MTA3: variants seen among roughly 807,000 people sequenced by gnomAD.
MTA3 encodes metastasis-associated protein MTA3.
In MTA3, 34 loss-of-function variants were observed where a neutral mutation model predicts 83.5. The observed-to-expected ratio is 0.41, with a 90% CI of 0.31 to 0.54. The LOEUF is 0.54. Among genes scored for constraint, MTA3 ranks in the 20% least tolerant of loss-of-function variants. MTA3 has a pLI of 0.33. For synonymous variants in MTA3, 303 were observed against 252.7 expected (o/e 1.20, Z -1.89); for missense variants, 761 against 726.4 (o/e 1.05, Z -0.55).
At chr2:42,547,746 G>A (rs1421951788) in intron 2 of MTA3, among the ~76,000 whole-genome samples, 2 of 152,194 alleles carry the variant, frequency 1.3e-5, no homozygotes, top group Admixed American at 6.6e-5. Context: ...TGTCTATTAA[G>A]CTAGGTTGCA....
chr2:42,511,342 C>A (rs368908294), intron 2 of MTA3, among the ~76,000 whole-genome samples: 2 of 150,704 alleles, frequency 1.3e-5, no homozygotes, highest in East Asian at 1.9e-4. Flanking sequence ...GATCTCATTA[C>A]CTTTCTACGT....
intron 4 of MTA3, among the ~76,000 whole-genome samples, chr2:42,633,620 G>A (rs937685863): frequency 5.9e-5 from 9 of 151,638 alleles, no homozygotes; most frequent in Middle Eastern, 6.8e-3. Flanking sequence ...GGCTGGGCGC[G>A]GTGGCTCATG....
At chr2:42,604,198 T>C (rs937591952) in intron 3 of MTA3, among the ~76,000 whole-genome samples, 1 of 152,198 alleles carries the variant, frequency 6.6e-6, no homozygotes, top group Non-Finnish European at 1.5e-5. Context: ...CCCGCCACTA[T>C]GCCCAGCTAA....
chr2:42,689,032 T>TA (rs1450016767), intron 9 of MTA3, among the ~76,000 whole-genome samples: 2 of 152,180 alleles, frequency 1.3e-5, no homozygotes, highest in East Asian at 1.9e-4. Flanking sequence ...TGAGAGTTTT[T>TA]AAAAAAATCA....
intron 4 of MTA3, among the ~76,000 whole-genome samples, chr2:42,611,498 C>G (rs868180115): frequency 6.6e-6 from 1 of 152,184 alleles, no homozygotes; most frequent in Middle Eastern, 3.4e-3. Context: ...CCCTCACCCC[C>G]ATAGAAAACC....
chr2:42,667,570 TTGTGTGTGTGTGTGTGTGTG>T (rs1553379043), intron 8 of MTA3, among the ~76,000 whole-genome samples: 2 of 145,010 alleles, frequency 1.4e-5, no homozygotes, highest in African/African-American at 5.1e-5. Flanking sequence ...CATTTAAAAA[TTGTGTGTGTGTGTGTGTGTG>T]TGTGTGTGTG....
chr2:42,512,721 G>A (rs777373128), intron 2 of MTA3, among the ~76,000 whole-genome samples: 1 of 152,160 alleles, frequency 6.6e-6, no homozygotes, highest in East Asian at 1.9e-4. Context: ...TTTAGACCAT[G>A]TCAAGGGATT....
chr2:42,664,181 G>T (rs1690004161), intron 8 of MTA3, among the ~76,000 whole-genome samples: 2 of 152,020 alleles, frequency 1.3e-5, no homozygotes, highest in South Asian at 4.1e-4. Flanking sequence ...TTTTTTGCTT[G>T]CAACATTTAA....
intron 2 of MTA3, among the ~76,000 whole-genome samples, chr2:42,552,637 A>G (rs1456821234): frequency 1.8e-4 from 28 of 151,704 alleles, no homozygotes; most frequent in Middle Eastern, 6.8e-3. Context: ...AAAAAAAAAA[A>G]AAGAAGAAGA....
chr2:42,690,037 G>C (rs1173151458), intron 9 of MTA3, among the ~76,000 whole-genome samples: 1 of 151,892 alleles, frequency 6.6e-6, no homozygotes, highest in Admixed American at 6.6e-5. Flanking sequence ...CCAGCTACTT[G>C]GGAGCTTGGG....
At chr2:42,636,659 G>A (rs1484245408) in intron 4 of MTA3, among the ~76,000 whole-genome samples, 4 of 124,420 alleles carry the variant, frequency 3.2e-5, no homozygotes, top group East Asian at 4.5e-4. Flanking sequence ...ACGGGGTTTC[G>A]CCCTGTCACC....
chr2:42,663,748 CTG>C (rs1689955163), intron 8 of MTA3, among the ~76,000 whole-genome samples: 1 of 152,184 alleles, frequency 6.6e-6, no homozygotes, highest in Non-Finnish European at 1.5e-5. Context: ...GAGTAAGACT[CTG>C]TTTCATAAAT....
At chr2:42,698,779 C>T (rs565639865) in intron 11 of MTA3, among the ~76,000 whole-genome samples, 29 of 152,206 alleles carry the variant, frequency 1.9e-4, no homozygotes, top group African/African-American at 7.0e-4. Flanking sequence ...TCTGATCTTT[C>T]ATATTGATCT....
chr2:42,668,428 C>T (rs926352479), intron 8 of MTA3, among the ~76,000 whole-genome samples: 19 of 152,326 alleles, frequency 1.2e-4, no homozygotes, highest in African/African-American at 4.3e-4. Flanking sequence ...AACAAGACCC[C>T]TGCGACCTTC....
chr2:42,707,875 G>A lies in MTA3; in HGVS notation c.1151-28G>A, dbSNP rs201398691. The A allele has an allele frequency of 3.2e-4, 473 of 1,485,076 alleles. 1 individual carries two copies. The highest frequency in any genetic ancestry group is 2.0e-3 in the Middle Eastern group (11 of 5,518). 92.0% of individuals were successfully genotyped at this position (1,485,076 alleles called of 1,614,324 possible). A position where few individuals can be genotyped will look rare whatever the true frequency, so the allele number is the denominator to read the frequency against. ...TGTTACAAATTAAATAGCATTTTTCGTTTTTTCTTATTTTTCTTCTGCTTT... is the reference window on the plus strand; with the variant it reads ...TGTTACAAATTAAATAGCATTTTTCATTTTTTCTTATTTTTCTTCTGCTTT... On this transcript the variant is annotated intron_variant, in intron 12 of 16. Coordinates refer to ENST00000405094, the MANE Select transcript of MTA3 (RefSeq NM_001330442.2).
chr2:42,579,288 CTT>C, intron 3 of MTA3, 88 bp downstream of exon 3: 1 of 931,918 alleles, frequency 1.1e-6, no homozygotes, highest in Non-Finnish European at 1.6e-6. Flanking sequence ...TACCTGAAGT[CTT>C]TTGCTTGTCC....
intron 4 of MTA3, chr2:42,613,963 G>A (rs958200493): frequency 6.6e-6 from 1 of 152,136 alleles, no homozygotes; most frequent in African/African-American, 2.4e-5. Context: ...GATTGAGGTC[G>A]CTGAATAATA....
rs545063797 is a variant in MTA3 at position 42,718,122 on chromosome 2, C to A, written c.1526-866C>A. ...TTTTTTTTTTTTTTTCGCTTTATTT[C>A]TAGGGGTTAACGAGTTCTTTTGATA... On this transcript the variant is annotated intron_variant, in intron 14 of 16. Coordinates refer to ENST00000405094, the MANE Select transcript of MTA3 (RefSeq NM_001330442.2). Among the ~76,000 whole-genome samples the A allele has an allele frequency of 2.4e-3, 190 of 80,384 alleles. 3 individuals carry two copies. The East Asian group carries it at 0.047, about 20-fold the overall frequency. The allele number at this position is 80,384 out of a possible 152,430, so 52.7% of individuals were successfully genotyped here.
At chr2:42,498,771 A>G (rs1424238660) in intron 2 of MTA3, among the ~76,000 whole-genome samples, 1 of 152,202 alleles carries the variant, frequency 6.6e-6, no homozygotes, top group Non-Finnish European at 1.5e-5. Flanking sequence ...CTGTCTATCC[A>G]GACAGAGTTG....
Sources: gnomAD v4.1 joint callset for allele counts (sites outside exome capture counted in the v4.1 genomes callset) on GRCh38, gnomAD v4.1.1 for gene constraint, MANE v1.5 for transcripts, NCBI Gene and HGNC (gene_info 2026-07-23, HGNC 2026-07-21) for gene names.